The following CPQ variants were observed in gnomAD, a reference collection of about 807,000 sequenced individuals.
CPQ encodes the protein carboxypeptidase Q.
CPQ carries 37 observed loss-of-function variants against 45.7 expected under a neutral mutation model. The observed-to-expected ratio is 0.81, with a 90% CI of 0.62 to 1.07. The LOEUF is 1.07. CPQ is among the 50% of genes least tolerant of loss of function. The pLI is 0.00. For missense variants in CPQ, 537 were observed against 572.9 expected (o/e 0.94, Z 0.64); for synonymous variants, 186 against 205.8 (o/e 0.90, Z 0.82).
intron 2 of CPQ, among the ~76,000 whole-genome samples, chr8:96,801,614 GC>G (rs1425161409): frequency 6.6e-6 from 1 of 152,134 alleles, no homozygotes; most frequent in Admixed American, 6.5e-5. Context: ...ATAGTCCCTA[GC>G]ATGGTGATAA....
intron 1 of CPQ, among the ~76,000 whole-genome samples, chr8:96,652,650 T>C (rs1050863058): frequency 3.9e-5 from 6 of 152,206 alleles, no homozygotes; most frequent in African/African-American, 1.4e-4. Context: ...TTTGTTTGTT[T>C]GAGACGGAGT....
chr8:96,947,221 G>A (rs1813202578), intron 4 of CPQ, among the ~76,000 whole-genome samples: 1 of 152,148 alleles, frequency 6.6e-6, no homozygotes, highest in South Asian at 2.1e-4. Flanking sequence ...CTAAGAACAT[G>A]TATATATGCC....
chr8:97,122,980 AT>A (rs1186036108), intron 7 of CPQ, among the ~76,000 whole-genome samples: 1,057 of 50,256 alleles, frequency 0.021, 129 homozygotes, highest in African/African-American at 0.048. Context: ...ATAAAATAAA[AT>A]TAAAATAAAA....
intron 1 of CPQ, among the ~76,000 whole-genome samples, chr8:96,734,079 G>A (rs1203943310): frequency 1.3e-5 from 2 of 152,114 alleles, no homozygotes; most frequent in Non-Finnish European, 1.5e-5. Context: ...ATTACAGTGC[G>A]CACAGCTGTA....
intron 5 of CPQ, among the ~76,000 whole-genome samples, chr8:96,984,734 G>A (rs908000057): frequency 6.6e-6 from 1 of 152,172 alleles, no homozygotes; most frequent in African/African-American, 2.4e-5. Flanking sequence ...TTTTAGATGT[G>A]TGATGCCTAG....
chr8:97,139,168 A>G (rs922605906), intron 7 of CPQ, among the ~76,000 whole-genome samples: 5 of 152,164 alleles, frequency 3.3e-5, no homozygotes, highest in Admixed American at 6.5e-5. Flanking sequence ...ACAAAAAGCA[A>G]CATTACAGAT....
At chr8:97,063,061 C>T (rs1421457085) in intron 6 of CPQ, among the ~76,000 whole-genome samples, 7 of 152,116 alleles carry the variant, frequency 4.6e-5, no homozygotes, top group Admixed American at 4.6e-4. Context: ...CGCCACACTG[C>T]TTTCCACAAT....
At chr8:97,072,747 TCTC>T (rs968122025) in intron 7 of CPQ, among the ~76,000 whole-genome samples, 1 of 152,144 alleles carries the variant, frequency 6.6e-6, no homozygotes, top group African/African-American at 2.4e-5. Flanking sequence ...AGCTCCTTGT[TCTC>T]CTCCTTCTCA....
intron 4 of CPQ, among the ~76,000 whole-genome samples, chr8:96,954,918 G>A (rs950338355): frequency 6.6e-6 from 1 of 152,054 alleles, no homozygotes; most frequent in African/African-American, 2.4e-5. Flanking sequence ...CCCTACAAAG[G>A]ACATGAACTC....
At chr8:97,104,744 A>G (rs574999941) in intron 7 of CPQ, among the ~76,000 whole-genome samples, 38 of 152,182 alleles carry the variant, frequency 2.5e-4, no homozygotes, top group Non-Finnish European at 1.3e-4. Flanking sequence ...GGCTAGCATC[A>G]GGGATCTAGA....
At chr8:96,850,841 T>C (rs1811761886) in intron 3 of CPQ, among the ~76,000 whole-genome samples, 1 of 152,110 alleles carries the variant, frequency 6.6e-6, no homozygotes, top group African/African-American at 2.4e-5. Flanking sequence ...ACTCCTGACC[T>C]CAGGTCATCC....
intron 1 of CPQ, among the ~76,000 whole-genome samples, chr8:96,774,936 AAGAAAT>A (rs1417607260): frequency 6.6e-6 from 1 of 152,232 alleles, no homozygotes; most frequent in African/African-American, 2.4e-5. Context: ...AAGTGGCTAA[AAGAAAT>A]AGAGTTTATT....
At chr8:96,915,217 G>T (rs1429163327) in intron 4 of CPQ, among the ~76,000 whole-genome samples, 1 of 152,110 alleles carries the variant, frequency 6.6e-6, no homozygotes, top group African/African-American at 2.4e-5. Flanking sequence ...TTTAAGAGCT[G>T]CAGCCTTGGG....
At chr8:96,846,700 A>G (rs1811695947) in intron 3 of CPQ, among the ~76,000 whole-genome samples, 1 of 152,218 alleles carries the variant, frequency 6.6e-6, no homozygotes, top group South Asian at 2.1e-4. Context: ...ACATAACTGT[A>G]ATATCTTTGT....
At chr8:96,662,824 CA>C (rs902358291) in intron 1 of CPQ, among the ~76,000 whole-genome samples, 3 of 151,968 alleles carry the variant, frequency 2.0e-5, no homozygotes, top group African/African-American at 7.3e-5. Flanking sequence ...CTCAACTGTA[CA>C]AAAAATATGA....
At chr8:96,858,222 G>A (rs933311720) in intron 3 of CPQ, among the ~76,000 whole-genome samples, 1 of 152,088 alleles carries the variant, frequency 6.6e-6, no homozygotes, top group African/African-American at 2.4e-5. Flanking sequence ...TACTTCCTGG[G>A]GGGAATCCAG....
At chr8:96,938,882 C>T (rs1813087902) in intron 4 of CPQ, among the ~76,000 whole-genome samples, 1 of 152,126 alleles carries the variant, frequency 6.6e-6, no homozygotes, top group Non-Finnish European at 1.5e-5. Context: ...ACTTTCTGTG[C>T]TTCCTTGTTA....
At chr8:97,118,763 G>A (rs568087336) in intron 7 of CPQ, among the ~76,000 whole-genome samples, 27 of 152,070 alleles carry the variant, frequency 1.8e-4, no homozygotes, top group African/African-American at 6.5e-4. Flanking sequence ...AATTGTATAT[G>A]TGTGTATATA....
intron 7 of CPQ, among the ~76,000 whole-genome samples, chr8:97,076,737 T>C (rs977226410): frequency 3.9e-5 from 6 of 152,170 alleles, no homozygotes; most frequent in African/African-American, 1.4e-4. Context: ...AAATGCTTTC[T>C]AGATGTTGCT....
Sources: gnomAD v4.1 joint callset for allele counts (sites outside exome capture counted in the v4.1 genomes callset) on GRCh38, gnomAD v4.1.1 for gene constraint, MANE v1.5 for transcripts, NCBI Gene and HGNC (gene_info 2026-07-23, HGNC 2026-07-21) for gene names.